The following ADGRA3 variants were observed in gnomAD, a reference collection of about 807,000 sequenced individuals.
ADGRA3 encodes adhesion G protein-coupled receptor A3.
Under a neutral mutation model 119.8 loss-of-function variants are expected in ADGRA3, and 56 were observed. The observed-to-expected ratio is 0.47, with a 90% confidence interval of 0.38 to 0.58. The LOEUF (loss-of-function observed/expected upper bound fraction) is 0.58. ADGRA3 is among the 20% of genes least tolerant of loss of function. The pLI is 0.00. For synonymous variants in ADGRA3, 607 were observed against 623.8 expected (o/e 0.97, Z 0.40); for missense variants, 1,516 against 1,649.0 (o/e 0.92, Z 1.40).
intron 1 of ADGRA3, among the ~76,000 whole-genome samples, chr4:22,480,291 T>C (rs934125628): frequency 1.3e-5 from 2 of 152,128 alleles, no homozygotes; most frequent in African/African-American, 4.8e-5. Flanking sequence ...TAAAACGAGA[T>C]GTCACAAATA....
intron 9 of ADGRA3, among the ~76,000 whole-genome samples, chr4:22,436,106 C>A (rs1374452706): frequency 6.6e-6 from 1 of 152,050 alleles, no homozygotes; most frequent in Non-Finnish European, 1.5e-5. Flanking sequence ...TAAGCAATCG[C>A]TTTCAACAAA....
intron 7 of ADGRA3, among the ~76,000 whole-genome samples, 191 bp from the exon 8 acceptor site, chr4:22,438,611 G>C (rs28437151): frequency 0.063 from 9,545 of 152,204 alleles, 423 homozygotes; most frequent in East Asian, 0.19. Context: ...AAAAAGGAAA[G>C]AGATCTTTAA....
In ADGRA3 at chr4:22,420,965, C is replaced by T. The variant is rs778250454; in HGVS notation, c.1730G>A (p.Arg577Gln). 1.5e-5 allele frequency: 24 copies of T among 1,613,882 alleles called. No individual in the cohort carries two copies. The highest frequency in any genetic ancestry group is 1.6e-4 in the Middle Eastern group (1 of 6,084). Reference sequence around the variant, plus strand: ...CTTATCCAGGTTTCCCTCTGGATCCCGCCTCCCATAATCCGAAAGTCCTGT... The same window carrying T: ...CTTATCCAGGTTTCCCTCTGGATCCTGCCTCCCATAATCCGAAAGTCCTGT... ...DRTGLSDYGR[R>Q]DPEGNLDKQL... is the part of the protein sequence containing the mutation. The change falls in exon 12 of 19, where the codon CGG becomes CAG. Residue 577 changes from arginine to glutamine, a missense_variant. Arg to Gln is a conservative substitution (Grantham distance 43). Coordinates refer to ENST00000334304, the MANE Select transcript of ADGRA3 (RefSeq NM_145290.4).
chr4:22,440,442 A>T (rs1716567250), intron 7 of ADGRA3, among the ~76,000 whole-genome samples: 1 of 152,142 alleles, frequency 6.6e-6, no homozygotes, highest in South Asian at 2.1e-4. Flanking sequence ...CAGATTAACC[A>T]ATGCAATAAC....
chr4:22,448,999 G>C (rs575245763), intron 4 of ADGRA3, among the ~76,000 whole-genome samples: 2 of 152,318 alleles, frequency 1.3e-5, no homozygotes, highest in East Asian at 1.9e-4. Flanking sequence ...GCCGGGTGCA[G>C]TGGCTCACGC....
intron 7 of ADGRA3, among the ~76,000 whole-genome samples, chr4:22,440,779 T>C (rs892017569): frequency 5.9e-5 from 9 of 152,204 alleles, no homozygotes; most frequent in African/African-American, 1.9e-4. Context: ...TGTCTGTTTA[T>C]ACAATAAACT....
At position 22,464,773 on chromosome 4, in the gene ADGRA3, G is replaced by A. The variant is rs908931846; in HGVS notation, c.330-2965C>T. On this transcript the variant is annotated intron_variant, in intron 2 of 18. Transcript: ENST00000334304. Reference sequence around the variant, plus strand: ...AAACAGGATATCCCAGGGGGCTGGGGGGTCTGAGTGTGCTCCTTGCTGGCT... The same window carrying A: ...AAACAGGATATCCCAGGGGGCTGGGAGGTCTGAGTGTGCTCCTTGCTGGCT... Among the ~76,000 whole-genome samples, 9 of 152,206 alleles carry A rather than the reference G, an allele frequency of 5.9e-5. No individual in the cohort carries two copies. The East Asian group carries it at 1.5e-3, about 26-fold the overall frequency.
intron 1 of ADGRA3, among the ~76,000 whole-genome samples, chr4:22,479,818 A>AG (rs1355463615): frequency 6.6e-6 from 1 of 152,068 alleles, no homozygotes; most frequent in Non-Finnish European, 1.5e-5. Context: ...TGCAGCCATA[A>AG]AAAAGGATGA....
chr4:22,467,560 ATCAATT>A (rs1182854229), intron 2 of ADGRA3, among the ~76,000 whole-genome samples: 15 of 152,374 alleles, frequency 9.8e-5, no homozygotes, highest in Admixed American at 7.8e-4. Context: ...AAAGCAGTAC[ATCAATT>A]TGGAGTCAAT....
chr4:22,483,728 C>T (rs912080704), intron 1 of ADGRA3, among the ~76,000 whole-genome samples: 1 of 152,130 alleles, frequency 6.6e-6, no homozygotes, highest in African/African-American at 2.4e-5. Flanking sequence ...TTAATTATGG[C>T]TTAATGTTTA....
intron 15 of ADGRA3, 62 bp from the exon 16 acceptor site, chr4:22,401,616 G>T: frequency 7.8e-7 from 1 of 1,282,310 alleles, no homozygotes; most frequent in Non-Finnish European, 1.1e-6. Flanking sequence ...AAACTATGAT[G>T]TTCATCTTAA....
intron 7 of ADGRA3, among the ~76,000 whole-genome samples, chr4:22,441,074 GT>G (rs1716594144): frequency 6.6e-6 from 1 of 152,104 alleles, no homozygotes; most frequent in Admixed American, 6.6e-5. Context: ...AGAAACAAGG[GT>G]TTTTGGCACT....
chr4:22,452,033 T>G (rs1233556633), intron 4 of ADGRA3, among the ~76,000 whole-genome samples: 2 of 152,116 alleles, frequency 1.3e-5, no homozygotes, highest in African/African-American at 4.8e-5. Flanking sequence ...TGCAAAACAT[T>G]TAAAGTTTCC....
intron 1 of ADGRA3, among the ~76,000 whole-genome samples, chr4:22,484,375 C>T (rs1364514799): frequency 6.6e-6 from 1 of 152,044 alleles, no homozygotes; most frequent in Non-Finnish European, 1.5e-5. Context: ...GAGGCCAAGG[C>T]GGGTGGATCA....
At chr4:22,466,581 G>A (rs1453360643) in intron 2 of ADGRA3, among the ~76,000 whole-genome samples, 3 of 152,076 alleles carry the variant, frequency 2.0e-5, no homozygotes, top group African/African-American at 7.2e-5. Context: ...ACAAAAATTA[G>A]CCAGGCGTGA....
intron 15 of ADGRA3, 69 bp from the exon 16 acceptor site, chr4:22,401,623 T>A (rs766170080): frequency 8.3e-7 from 1 of 1,210,980 alleles, no homozygotes; most frequent in Non-Finnish European, 1.2e-6. Flanking sequence ...GATGTTCATC[T>A]TAATTCCAAC....
chr4:22,401,462 G>A lies in ADGRA3; in HGVS notation c.2450C>T (p.Thr817Ile). The A allele has an allele frequency of 6.2e-7, 1 of 1,610,980 alleles. No individual in the cohort carries two copies. Among genetic ancestry groups the A allele is most frequent in the Non-Finnish European group, 8.5e-7 (1 of 1,178,392 alleles). The change falls in exon 16 of 19, where the codon ACC becomes ATC. Residue 817 changes from threonine (T) to isoleucine (I), a missense_variant. Coordinates refer to ENST00000334304, the MANE Select transcript of ADGRA3 (RefSeq NM_145290.4). ...LTCVVFVGGI[T>I]QTRNASICQA... Reference sequence around the variant, plus strand: ...GCAGATGCTGGCATTCCTAGTCTGGGTTATTCCTCCCACAAAGACCACACA... The same window carrying A: ...GCAGATGCTGGCATTCCTAGTCTGGATTATTCCTCCCACAAAGACCACACA...
At chr4:22,429,182 A>G (rs1255391891) in intron 10 of ADGRA3, among the ~76,000 whole-genome samples, 3 of 152,214 alleles carry the variant, frequency 2.0e-5, no homozygotes, top group Non-Finnish European at 4.4e-5. Flanking sequence ...AATATATTAA[A>G]AGATAAAACA....
At chr4:22,402,553 G>GTCA (rs1244333581) in intron 15 of ADGRA3, 122 bp downstream of exon 15, 4 of 943,992 alleles carry the variant, frequency 4.2e-6, no homozygotes, top group African/African-American at 3.3e-5. Flanking sequence ...ATATTCTAAA[G>GTCA]TCATCATCCT....
Sources: allele counts gnomAD v4.1 joint callset (sites outside exome capture counted in the v4.1 genomes callset), GRCh38; gene constraint gnomAD v4.1.1; transcripts MANE v1.5; gene names NCBI Gene and HGNC (gene_info 2026-07-23, HGNC 2026-07-21).